NEFM: variants seen among roughly 807,000 people sequenced by gnomAD.
NEFM encodes the protein neurofilament medium chain.
A neutral mutation model predicts 48.1 loss-of-function variants in NEFM; 16 were observed. The observed-to-expected ratio is 0.33, with a 90% CI of 0.23 to 0.51. The LOEUF (loss-of-function observed/expected upper bound fraction) is 0.51, where lower values mean the gene tolerates loss of function less well. Ranked by LOEUF, NEFM falls within the 20% of genes least tolerant of loss-of-function variation. The pLI, the probability that NEFM is intolerant of heterozygous loss-of-function variation, is 0.98. For missense variants in NEFM, 1,107 were observed against 1,136.0 expected (o/e 0.97, Z 0.37); for synonymous variants, 465 against 456.9 (o/e 1.02, Z -0.23).
At position 24,913,985 on chromosome 8, in the gene NEFM, C is replaced by A. The variant is rs779328694; in HGVS notation, c.192C>A (p.Ser64Arg). The A allele has an allele frequency of 2.5e-6, 4 of 1,611,386 alleles. No homozygotes were observed. The highest frequency in any genetic ancestry group is 3.4e-6 in the Non-Finnish European group (4 of 1,179,760). The change falls in exon 1 of 3, where the codon AGC becomes AGA. Residue 64 changes from serine (S) to arginine (R), a missense_variant. Coordinates refer to ENST00000221166, the MANE Select transcript of NEFM (RefSeq NM_005382.2). ...TGCTCGCCCCGCGCCTCGCTTACAGCTCGGCCATGCTCAGCTCCGCCGAGA... is the reference window on the plus strand; with the variant it reads ...TGCTCGCCCCGCGCCTCGCTTACAGATCGGCCATGCTCAGCTCCGCCGAGA... ...RSMLAPRLAY[S>R]SAMLSSAESS...
rs186811095 is a variant in NEFM at position 24,915,746 on chromosome 8, G to A, written c.1205+17G>A. On this transcript the variant is annotated intron_variant, in intron 2 of 2. Coordinates refer to ENST00000221166, the MANE Select transcript of NEFM (RefSeq NM_005382.2). ...TGCGTACAGGTACGATGCTTACTAC[G>A]TGCGTGGCCGGAACACTAACCGCAG... 4.3e-6 allele frequency: 7 copies of A among 1,613,960 alleles called. No individual in the cohort carries two copies. Among genetic ancestry groups the A allele is most frequent in the Non-Finnish European group, 1.7e-6 (2 of 1,179,930 alleles).
intron 2 of NEFM, among the ~76,000 whole-genome samples, chr8:24,916,801 G>A (rs542707756): frequency 6.6e-6 from 1 of 152,286 alleles, no homozygotes; most frequent in African/African-American, 2.4e-5. Context: ...TAGTAGCTGG[G>A]TGTGGTTAGT....
At chr8:24,915,087 G>A in intron 1 of NEFM, 1 of 1,370,318 alleles carries the variant, frequency 7.3e-7, no homozygotes. Context: ...GCTGCTAAGG[G>A]TCTTGACCTT....
Position 24,918,383 on chromosome 8 carries a change from A to G in NEFM, c.2528A>G (p.Lys843Arg), listed in dbSNP as rs750555881. The G allele has an allele frequency of 1.9e-6, 3 of 1,614,120 alleles. No individual in the cohort carries two copies. The highest frequency in any genetic ancestry group is 2.5e-6 in the Non-Finnish European group (3 of 1,180,026). ...GACTTGAGCCCAGCAGATGAAAAGAAGGGGGGTGATAAAAGTGAGGAGAAA... is the reference window on the plus strand; with the variant it reads ...GACTTGAGCCCAGCAGATGAAAAGAGGGGGGGTGATAAAAGTGAGGAGAAA... ...GLDLSPADEKKGGDKSEEKVV... is the reference protein window; with the variant it reads ...GLDLSPADEKRGGDKSEEKVV... The change falls in exon 3 of 3, where the codon AAG (lysine) becomes AGG (arginine). Residue 843 changes from lysine to arginine, a missense_variant. Physicochemically the swap from Lys to Arg is conservative, Grantham distance 26. Around this residue, in one of 3 missense-constraint regions of NEFM, gnomAD observed 917 missense variants for 916.4 expected, o/e 1.00. Coordinates refer to ENST00000221166, the MANE Select transcript of NEFM (RefSeq NM_005382.2).
rs1802551739 is a variant in NEFM at position 24,915,010 on chromosome 8, G to A, written c.1080+137G>A. 4.3e-6 allele frequency: 6 copies of A among 1,400,668 alleles called. No individual in the cohort carries two copies. In the South Asian group the frequency reaches 4.9e-5, roughly 11 times the overall value. 86.8% of individuals were successfully genotyped at this position (1,400,668 alleles called of 1,614,324 possible). A position where few individuals can be genotyped will look rare whatever the true frequency, so the allele number is the denominator to read the frequency against. ...CTAGAGCACGCGCGCCGCAGACCTA[G>A]GGTATTTGCGGATCAGCGTCCTCGC... is the stretch of plus-strand genomic sequence containing the variant. On this transcript the variant is annotated intron_variant, in intron 1 of 2. Coordinates refer to ENST00000221166, the MANE Select transcript of NEFM (RefSeq NM_005382.2).
Position 24,913,816 on chromosome 8 carries a change from T to C in NEFM, c.23T>C (p.Leu8Pro), listed in dbSNP as rs968365651. MSYTLDS[L>P]GNPSAYRRVT... Reference sequence around the variant, plus strand: ...AAGATGAGCTACACGTTGGACTCGCTGGGCAACCCGTCCGCCTACCGGCGG... The same window carrying C: ...AAGATGAGCTACACGTTGGACTCGCCGGGCAACCCGTCCGCCTACCGGCGG... Residue 8 changes from leucine to proline, a missense_variant, in exon 1 of 3, where the codon CTG (leucine) becomes CCG (proline). Around this residue, in one of 3 missense-constraint regions of NEFM, gnomAD observed 186 missense variants for 200.6 expected, o/e 0.93. Coordinates refer to ENST00000221166, the MANE Select transcript of NEFM (RefSeq NM_005382.2). 4.3e-6 allele frequency: 7 copies of C among 1,610,234 alleles called. No individual in the cohort carries two copies. The highest frequency in any genetic ancestry group is 5.9e-6 in the Non-Finnish European group (7 of 1,179,004).
chr8:24,917,316 G>C lies in NEFM; in HGVS notation c.1461G>C (p.Glu487Asp), dbSNP rs1372817348. The change falls in exon 3 of 3, where the codon GAG (glutamate) becomes GAC (aspartate). Residue 487 changes from glutamate (E) to aspartate (D), a missense_variant. Glu to Asp is a conservative substitution (Grantham distance 45). This residue lies in a region of NEFM where 917 missense variants were observed against 916.4 expected (regional missense o/e 1.00). Transcript: ENST00000221166. Reference protein sequence around the residue: ...TEELAVSMKEEKKEAAEEKEE... With the variant: ...TEELAVSMKEDKKEAAEEKEE... ...AATTGGCCGTTTCCATGAAGGAAGAGAAGAAAGAAGCAGCAGAAGAAAAGG... is the reference window on the plus strand; with the variant it reads ...AATTGGCCGTTTCCATGAAGGAAGACAAGAAAGAAGCAGCAGAAGAAAAGG... 3 of 1,613,870 alleles carry C rather than the reference G, an allele frequency of 1.9e-6. No homozygotes were observed. Among genetic ancestry groups the C allele is most frequent in the Non-Finnish European group, 1.7e-6 (2 of 1,179,938 alleles).
At position 24,917,554 on chromosome 8, in the gene NEFM, G is replaced by A. The variant is rs1802595429; in HGVS notation, c.1699G>A (p.Glu567Lys). 6.4e-7 allele frequency: 1 copy of A among 1,570,118 alleles called. No individual in the cohort carries two copies. The highest frequency in any genetic ancestry group is 8.6e-7 in the Non-Finnish European group (1 of 1,157,268). Residue 567 changes from glutamate to lysine, a missense_variant, in exon 3 of 3, where the codon GAA becomes AAA. Glu to Lys is a moderately conservative substitution (Grantham distance 56). Transcript: ENST00000221166. Reference sequence around the variant, plus strand: ...TAGTGAAAAAGAGGAAGGTGAGCAGGAAGAAGGAGAAACAGAAGCTGAAGC... The same window carrying A: ...TAGTGAAAAAGAGGAAGGTGAGCAGAAAGAAGGAGAAACAGAAGCTGAAGC... ...GSSEKEEGEQ[E>K]EGETEAEAEG... is the part of the protein sequence containing the mutation.
In NEFM at chr8:24,914,798, C is replaced by G. The variant is rs1484676962; in HGVS notation, c.1005C>G (p.Arg335=). The G allele has an allele frequency of 6.2e-7, 1 of 1,606,256 alleles. No homozygotes were observed. Among genetic ancestry groups the G allele is most frequent in the African/African-American group, 1.3e-5 (1 of 74,992 alleles). The part of the protein sequence containing the change: ...QSKSIELESV[R]GTKESLERQL... ...AGAGCATCGAGCTAGAGTCGGTGCG[C>G]GGCACCAAGGAGTCCCTGGAGCGGC... Residue 335 remains arginine, a synonymous_variant, in exon 1 of 3, where the codon CGC becomes CGG. Coordinates refer to ENST00000221166, the MANE Select transcript of NEFM (RefSeq NM_005382.2).
rs374239492 is a variant in NEFM, at chr8:24,914,855, C to A, written c.1062C>A (p.His354Gln). The change falls in exon 1 of 3, where the codon CAC becomes CAA. Residue 354 changes from histidine to glutamine, a missense_variant. His to Gln is a conservative substitution (Grantham distance 24). Coordinates refer to ENST00000221166, the MANE Select transcript of NEFM (RefSeq NM_005382.2). Reference sequence around the variant, plus strand: ...GCGACATCGAGGAGCGCCACAACCACGACCTCAGCAGCTACCAGGTAGGAA... The same window carrying A: ...GCGACATCGAGGAGCGCCACAACCAAGACCTCAGCAGCTACCAGGTAGGAA... ...QLSDIEERHN[H>Q]DLSSYQDTIQ... 6.4e-5 allele frequency: 102 copies of A among 1,595,014 alleles called. No homozygotes were observed. The highest frequency in any genetic ancestry group is 1.2e-4 in the African/African-American group (9 of 74,604).
Position 24,914,907 on chromosome 8 carries a change from A to G in NEFM, c.1080+34A>G, listed in dbSNP as rs771113261. 16 of 1,547,964 alleles carry G rather than the reference A, an allele frequency of 1.0e-5. 1 individual carries two copies. In the Admixed American group the frequency reaches 2.3e-4, roughly 23 times the overall value. Reference sequence around the variant, plus strand: ...CGCGGCTGCGCGGCCAGCCTGCGCCAGCGCCAGCGCCGCGCGCCCCCGACA... The same window carrying G: ...CGCGGCTGCGCGGCCAGCCTGCGCCGGCGCCAGCGCCGCGCGCCCCCGACA... On this transcript the variant is annotated intron_variant, in intron 1 of 2. Coordinates refer to ENST00000221166, the MANE Select transcript of NEFM (RefSeq NM_005382.2).
At position 24,918,193 on chromosome 8, in the gene NEFM, G is replaced by C. The variant is rs141781481; in HGVS notation, c.2338G>C (p.Glu780Gln). The C allele has an allele frequency of 1.3e-6, 2 of 1,552,686 alleles. No individual in the cohort carries two copies. The highest frequency in any genetic ancestry group is 1.4e-5 in the African/African-American group (1 of 72,942). ...QEKEKEKAGGEGGSEEEGSDK... is the reference protein window; with the variant it reads ...QEKEKEKAGGQGGSEEEGSDK... The stretch of plus-strand genomic sequence containing the variant: ...GAAAGAGAAGGAGAAAGCGGGAGGA[G>C]AGGGAGGAAGTGAGGAGGAAGGGAG... The change falls in exon 3 of 3, where the codon GAG becomes CAG. Residue 780 changes from glutamate (E) to glutamine (Q), a missense_variant. This residue lies in a region of NEFM where 917 missense variants were observed against 916.4 expected (regional missense o/e 1.00). Coordinates refer to ENST00000221166, the MANE Select transcript of NEFM (RefSeq NM_005382.2).
At position 24,918,597 on chromosome 8, in the gene NEFM, G is replaced by C. The variant is rs1261030046; in HGVS notation, c.2742G>C (p.Gln914His). The change falls in exon 3 of 3, where the codon CAG becomes CAC. Residue 914 changes from glutamine to histidine, a missense_variant. By Grantham distance (24) the Gln-to-His change is conservative. Coordinates refer to ENST00000221166, the MANE Select transcript of NEFM (RefSeq NM_005382.2). ...TSHAIVKEVT[Q>H]SD ...ACGCCATAGTAAAGGAAGTCACCCA[G>C]AGTGACTAAGATTTGAGTCCATTGC... 12 of 1,608,970 alleles carry C rather than the reference G, an allele frequency of 7.5e-6. No individual in the cohort carries two copies. The highest frequency in any genetic ancestry group is 1.0e-5 in the Non-Finnish European group (12 of 1,177,990).
rs140175409 is a variant in NEFM, at chr8:24,918,452, G to A, written c.2597G>A (p.Gly866Glu). The A allele has an allele frequency of 7.1e-4, 1,141 of 1,614,106 alleles. No homozygotes were observed. Among genetic ancestry groups the A allele is most frequent in the Non-Finnish European group, 9.0e-4 (1,064 of 1,180,004 alleles). The change falls in exon 3 of 3, where the codon GGA becomes GAA. Residue 866 changes from glycine (G) to glutamate (E), a missense_variant. Transcript: ENST00000221166. ...KTVEKITSEG[G>E]DGATKYITKS... Reference sequence around the variant, plus strand: ...GTAGAAAAAATCACCAGTGAGGGGGGAGATGGTGCTACCAAATACATCACT... The same window carrying A: ...GTAGAAAAAATCACCAGTGAGGGGGAAGATGGTGCTACCAAATACATCACT...
chr8:24,918,147 G>A lies in NEFM; in HGVS notation c.2292G>A (p.Glu764=). 1 of 1,551,782 alleles carries A rather than the reference G, an allele frequency of 6.4e-7. No homozygotes were observed. Among genetic ancestry groups the A allele is most frequent in the East Asian group, 2.4e-5 (1 of 40,920 alleles). Residue 764 remains glutamate, a synonymous_variant, in exon 3 of 3, where the codon GAG becomes GAA. Coordinates refer to ENST00000221166, the MANE Select transcript of NEFM (RefSeq NM_005382.2). ...KVHLEKETKE[E]GKPLQQEKEK... is the part of the protein sequence containing the mutation. The stretch of plus-strand genomic sequence containing the variant: ...ACTTGGAGAAAGAGACCAAAGAAGA[G>A]GGGAAGCCACTGCAGCAGGAGAAAG...
At position 24,918,890 on chromosome 8, in the gene NEFM, A is replaced by G. The variant is rs536838087; in HGVS notation, c.*284A>G. The G allele has an allele frequency of 3.0e-5, 13 of 430,924 alleles. No individual in the cohort carries two copies. Among genetic ancestry groups the G allele is most frequent in the African/African-American group, 2.6e-4 (13 of 50,314 alleles). 26.7% of individuals were successfully genotyped at this position (430,924 alleles called of 1,614,324 possible). On this transcript the variant is annotated 3_prime_UTR_variant, in exon 3 of 3. Transcript: ENST00000221166. ...TTGAGATGTATTATGCAAAGTACCA[A>G]CTGAGCCAAAAACAATAAACGAAAC...
intron 1 of NEFM, chr8:24,915,114 C>G (rs1016374542): frequency 2.2e-6 from 3 of 1,357,578 alleles, no homozygotes; most frequent in Non-Finnish European, 2.8e-6. Flanking sequence ...AAACGTGCAT[C>G]TTTTCCAGTT....
Position 24,917,118 on chromosome 8 carries a change from G to C in NEFM, c.1263G>C (p.Gly421=). The C allele has an allele frequency of 6.2e-7, 1 of 1,614,134 alleles. No individual in the cohort carries two copies. The highest frequency in any genetic ancestry group is 8.5e-7 in the Non-Finnish European group (1 of 1,180,030). The change falls in exon 3 of 3, where the codon GGG becomes GGC. Residue 421 remains glycine, a synonymous_variant. Coordinates refer to ENST00000221166, the MANE Select transcript of NEFM (RefSeq NM_005382.2). ...RFSTFAGSIT[G]PLYTHRPPIT... ...GCACATTTGCAGGAAGCATCACTGG[G>C]CCACTGTATACACACCGACCCCCAA...
chr8:24,918,135 G>C lies in NEFM; in HGVS notation c.2280G>C (p.Glu760Asp). Residue 760 changes from glutamate (E) to aspartate (D), a missense_variant, in exon 3 of 3, where the codon GAG (glutamate) becomes GAC (aspartate). Glu to Asp is a conservative substitution (Grantham distance 45). Around this residue, in one of 3 missense-constraint regions of NEFM, gnomAD observed 917 missense variants for 916.4 expected, o/e 1.00. Coordinates refer to ENST00000221166, the MANE Select transcript of NEFM (RefSeq NM_005382.2). Reference protein sequence around the residue: ...TKSVKVHLEKETKEEGKPLQQ... With the variant: ...TKSVKVHLEKDTKEEGKPLQQ... ...CGGTAAAGGTGCACTTGGAGAAAGA[G>C]ACCAAAGAAGAGGGGAAGCCACTGC... is the stretch of plus-strand genomic sequence containing the variant. 3 of 1,551,748 alleles carry C rather than the reference G, an allele frequency of 1.9e-6. No individual in the cohort carries two copies. Among genetic ancestry groups the C allele is most frequent in the Non-Finnish European group, 2.6e-6 (3 of 1,147,058 alleles).
Sources: gnomAD v4.1 joint callset for allele counts (sites outside exome capture counted in the v4.1 genomes callset) on GRCh38, gnomAD v4.1.1 for gene constraint, gnomAD v4.1.1 regional missense constraint, MANE v1.5 for transcripts, NCBI Gene and HGNC (gene_info 2026-07-23, HGNC 2026-07-21) for gene names.